DTNB: variants seen among roughly 807,000 people sequenced by gnomAD.
The protein encoded by DTNB is DTN-B.
A neutral mutation model predicts 90.7 loss-of-function variants in DTNB; 63 were observed. The ratio of observed to expected loss-of-function variants is 0.69; its 90% CI spans 0.57 to 0.86. The LOEUF (loss-of-function observed/expected upper bound fraction) is 0.86, where lower values mean the gene tolerates loss of function less well. Among genes scored for constraint, DTNB ranks in the 40% least tolerant of loss-of-function variants. The pLI, the probability that DTNB is intolerant of heterozygous loss-of-function variation, is 0.00. For synonymous variants in DTNB, 277 were observed against 286.7 expected (o/e 0.97, Z 0.34); for missense variants, 744 against 807.1 (o/e 0.92, Z 0.95).
chr2:25,572,580 TG>T (rs2060043220), intron 8 of DTNB, among the ~76,000 whole-genome samples: 2 of 151,804 alleles, frequency 1.3e-5, no homozygotes, highest in African/African-American at 4.8e-5. Flanking sequence ...AGGTGGGCTC[TG>T]GCATACCCTC....
chr2:25,483,056 G>A (rs988843931), intron 9 of DTNB, among the ~76,000 whole-genome samples, 183 bp from the exon 10 acceptor site: 5 of 151,658 alleles, frequency 3.3e-5, no homozygotes, highest in African/African-American at 4.8e-5. Context: ...GACCCATGGA[G>A]GGGGGGAACC....
At chr2:25,401,954 C>G (rs1012862441) in intron 16 of DTNB, among the ~76,000 whole-genome samples, 1 of 152,206 alleles carries the variant, frequency 6.6e-6, no homozygotes, top group African/African-American at 2.4e-5. Context: ...TGCCGATTTT[C>G]AGAGGCCCTC....
chr2:25,644,669 C>G (rs1276304634), intron 2 of DTNB, among the ~76,000 whole-genome samples: 1 of 152,162 alleles, frequency 6.6e-6, no homozygotes, highest in African/African-American at 2.4e-5. Context: ...AGGATAATGA[C>G]TTGAACCCTG....
chr2:25,596,497 T>C, intron 5 of DTNB: 1 of 251,090 alleles, frequency 4.0e-6, no homozygotes, highest in Non-Finnish European at 7.5e-6. Context: ...ACTATCCTAC[T>C]TTTGAGTGTT....
At chr2:25,547,488 C>T (rs2082697887) in intron 8 of DTNB, among the ~76,000 whole-genome samples, 1 of 151,832 alleles carries the variant, frequency 6.6e-6, no homozygotes, top group Admixed American at 6.6e-5. Context: ...CATGTCCAGC[C>T]CATTTTTGTG....
At chr2:25,553,905 T>C (rs1395773061) in intron 8 of DTNB, among the ~76,000 whole-genome samples, 6 of 152,096 alleles carry the variant, frequency 3.9e-5, no homozygotes, top group Non-Finnish European at 7.4e-5. Context: ...TAAGGACAGC[T>C]GCATCTTGTG....
chr2:25,417,303 G>A (rs2048225246), intron 16 of DTNB, among the ~76,000 whole-genome samples: 2 of 152,168 alleles, frequency 1.3e-5, no homozygotes, highest in African/African-American at 2.4e-5. Context: ...CAACTTCAAG[G>A]GGATGGTGAT....
intron 8 of DTNB, among the ~76,000 whole-genome samples, chr2:25,554,020 C>T (rs2056851825): frequency 6.6e-6 from 1 of 151,940 alleles, no homozygotes; most frequent in Admixed American, 6.6e-5. Context: ...GTCATGATAG[C>T]CAATATAAAT....
chr2:25,581,176 C>T (rs73922437), intron 6 of DTNB, among the ~76,000 whole-genome samples: 9,152 of 152,166 alleles, frequency 0.06, 886 homozygotes, highest in African/African-American at 0.2. Flanking sequence ...TCCTTCAAGT[C>T]ACCATTTCCG....
intron 8 of DTNB, among the ~76,000 whole-genome samples, chr2:25,536,570 C>T (rs1394252071): frequency 2.0e-5 from 3 of 152,034 alleles, no homozygotes; most frequent in Admixed American, 6.6e-5. Flanking sequence ...GGAGTGGCGG[C>T]GTGTGCCTGG....
intron 12 of DTNB, among the ~76,000 whole-genome samples, chr2:25,434,594 G>A (rs1291619345): frequency 6.6e-6 from 1 of 151,670 alleles, no homozygotes; most frequent in Non-Finnish European, 1.5e-5. Context: ...TTGCTGTATA[G>A]TATTCTATTG....
chr2:25,586,756 C>G lies in DTNB; in HGVS notation c.604-5930G>C, dbSNP rs146326683. On this transcript the variant is annotated intron_variant, in intron 6 of 20. Transcript: ENST00000406818. ...TTTTGCTAGGATGTGGAATCTGAAG[C>G]CTTTTTTGGAGGAGAGACAGAAAGT... Among the ~76,000 whole-genome samples the G allele has an allele frequency of 5.7e-3, 867 of 152,108 alleles. 2 individuals are homozygous for G. Among genetic ancestry groups the G allele is most frequent in the Non-Finnish European group, 0.01 (706 of 67,992 alleles).
intron 8 of DTNB, among the ~76,000 whole-genome samples, chr2:25,533,909 A>G (rs1055569789): frequency 3.9e-5 from 6 of 152,002 alleles, no homozygotes; most frequent in Non-Finnish European, 8.8e-5. Flanking sequence ...ACCATGCTAT[A>G]CTGCTGCTAC....
chr2:25,607,460 AT>A (rs796410941), intron 4 of DTNB, 139 bp from the exon 5 acceptor site: 24,395 of 586,832 alleles, frequency 0.042, 1 homozygote, highest in South Asian at 0.06. Context: ...GAAACCCTGG[AT>A]TTTTTTTTTT....
intron 6 of DTNB, 84 bp from the exon 7 acceptor site, chr2:25,580,910 A>G: frequency 8.5e-7 from 1 of 1,181,758 alleles, no homozygotes; most frequent in Non-Finnish European, 1.2e-6. Flanking sequence ...TTTCCCATCC[A>G]AACTTTAGTG....
At chr2:25,577,059 T>G in intron 7 of DTNB, 55 bp from the exon 8 acceptor site, 3 of 1,456,834 alleles carry the variant, frequency 2.1e-6, no homozygotes, top group Admixed American at 2.6e-5. Flanking sequence ...AGGGATAGAA[T>G]AAAAGAAGAA....
intron 1 of DTNB, among the ~76,000 whole-genome samples, chr2:25,669,885 AC>A (rs2085418700): frequency 6.6e-6 from 1 of 151,882 alleles, no homozygotes; most frequent in Admixed American, 6.6e-5. Context: ...AGTCTGGGCG[AC>A]AGAGGAAGAC....
At chr2:25,484,024 T>A (rs1296901397) in intron 9 of DTNB, among the ~76,000 whole-genome samples, 1 of 152,174 alleles carries the variant, frequency 6.6e-6, no homozygotes, top group Non-Finnish European at 1.5e-5. Flanking sequence ...ATACATAGAG[T>A]GTACTTACAC....
chr2:25,451,443 C>G (rs545220912), intron 12 of DTNB, 105 bp downstream of exon 12: 2 of 1,221,374 alleles, frequency 1.6e-6, no homozygotes, highest in South Asian at 3.4e-5. Context: ...AAAGTGTCCC[C>G]GAGGTACCTG....
Sources: allele counts gnomAD v4.1 joint callset (sites outside exome capture counted in the v4.1 genomes callset), GRCh38; gene constraint gnomAD v4.1.1; transcripts MANE v1.5; gene names NCBI Gene and HGNC (gene_info 2026-07-23, HGNC 2026-07-21).